The following FAM228A variants were observed in gnomAD, a reference collection of about 807,000 sequenced individuals.
FAM228A encodes family with sequence similarity 228 member A, also known as protein FAM228A.
FAM228A carries 13 observed loss-of-function variants against 18.6 expected under a neutral mutation model. The observed-to-expected ratio is 0.70, with a 90% confidence interval of 0.45 to 1.11. The LOEUF (loss-of-function observed/expected upper bound fraction) is 1.11. Ranked by LOEUF, FAM228A falls within the 50% of genes least tolerant of loss-of-function variation. The probability of loss-of-function intolerance (pLI) is 0.00; values close to 1 mark genes in which losing one functional copy is unlikely to be tolerated. For synonymous variants in FAM228A, 77 were observed against 86.6 expected (o/e 0.89, Z 0.61); for missense variants, 240 against 242.2 (o/e 0.99, Z 0.06).
At chr2:24,176,423 T>C (rs1414271504) in intron 2 of FAM228A, among the ~76,000 whole-genome samples, 4 of 152,182 alleles carry the variant, frequency 2.6e-5, no homozygotes, top group African/African-American at 9.7e-5. Flanking sequence ...CAATCATAGC[T>C]CTCTGTAACC....
Position 24,190,786 on chromosome 2 carries a change from A to C in FAM228A, c.*155A>C, listed in dbSNP as rs1032640941. On this transcript the variant is annotated 3_prime_UTR_variant, in exon 6 of 6. Coordinates refer to ENST00000295150, the MANE Select transcript of FAM228A (RefSeq NM_001040710.3). Reference sequence around the variant, plus strand: ...GGCCCCTCGGGCGGGGAAGCCTTGCATGAAGAAACTCAGACAAGTGGTAAA... The same window carrying C: ...GGCCCCTCGGGCGGGGAAGCCTTGCCTGAAGAAACTCAGACAAGTGGTAAA... 1.5e-6 allele frequency: 2 copies of C among 1,330,464 alleles called. No homozygotes were observed. The highest frequency in any genetic ancestry group is 1.5e-5 in the African/African-American group (1 of 67,278). 82.4% of individuals were successfully genotyped at this position (1,330,464 alleles called of 1,614,324 possible).
rs2151050736 is a variant in FAM228A at position 24,190,948 on chromosome 2, A to G, written c.*317A>G. The G allele has an allele frequency of 1.9e-6, 2 of 1,075,940 alleles. No individual in the cohort carries two copies. Among genetic ancestry groups the G allele is most frequent in the Non-Finnish European group, 2.3e-6 (2 of 888,328 alleles). The allele number at this position is 1,075,940 out of a possible 1,614,324, so 66.6% of individuals were successfully genotyped here. ...TTTGCCCTTCTGCCACTTTCCTACC[A>G]TTTTCCACTTACTCCATCCAAACTG... On this transcript the variant is annotated 3_prime_UTR_variant, in exon 6 of 6. Coordinates refer to ENST00000295150, the MANE Select transcript of FAM228A (RefSeq NM_001040710.3).
At chr2:24,188,117 G>A (rs1667996201) in intron 5 of FAM228A, among the ~76,000 whole-genome samples, 1 of 151,822 alleles carries the variant, frequency 6.6e-6, no homozygotes, top group African/African-American at 2.4e-5. Context: ...GATCATTTTT[G>A]TATATTTTCT....
At chr2:24,187,432 A>C (rs1667976223) in intron 5 of FAM228A, among the ~76,000 whole-genome samples, 1 of 152,200 alleles carries the variant, frequency 6.6e-6, no homozygotes. Flanking sequence ...CATTGACATT[A>C]TCACCCAAAG....
intron 5 of FAM228A, among the ~76,000 whole-genome samples, chr2:24,187,141 T>C (rs545664262): frequency 1.3e-5 from 2 of 152,296 alleles, no homozygotes; most frequent in African/African-American, 2.4e-5. Context: ...CTAGGTCTCA[T>C]GTCATGTCAT....
At chr2:24,177,900 A>C (rs55661701) in intron 3 of FAM228A, 30 bp downstream of exon 3, 324,695 of 1,451,710 alleles carry the variant, frequency 0.22, 40,012 homozygotes, top group Non-Finnish European at 0.25. Flanking sequence ...TGCATTCTAC[A>C]TATGTTCTAG....
At chr2:24,186,597 TATTTA>T (rs1340395757) in intron 5 of FAM228A, among the ~76,000 whole-genome samples, 1 of 152,140 alleles carries the variant, frequency 6.6e-6, no homozygotes, top group Non-Finnish European at 1.5e-5. Flanking sequence ...CATTTATTGA[TATTTA>T]ATTTTTTCTC....
At chr2:24,182,447 A>G (rs1409811952) in intron 3 of FAM228A, among the ~76,000 whole-genome samples, 1 of 152,164 alleles carries the variant, frequency 6.6e-6, no homozygotes, top group African/African-American at 2.4e-5. Flanking sequence ...ACTTCAGTCC[A>G]GCACTGGGAT....
Position 24,191,607 on chromosome 2 carries a change from C to G in FAM228A, c.*976C>G, listed in dbSNP as rs752497767. 1 of 523,254 alleles carries G rather than the reference C, an allele frequency of 1.9e-6. No individual in the cohort carries two copies. The highest frequency in any genetic ancestry group is 8.2e-5 in the South Asian group (1 of 12,174). The allele number at this position is 523,254 out of a possible 1,614,324, so 32.4% of individuals were successfully genotyped here. A position where few individuals can be genotyped will look rare whatever the true frequency, so the allele number is the denominator to read the frequency against. The stretch of plus-strand genomic sequence containing the variant: ...ACAGTCAAGCTTGTTGACATACCCA[C>G]CAGCTCACATTTACTGTTTTCGTGT... On this transcript the variant is annotated 3_prime_UTR_variant, in exon 6 of 6. Transcript: ENST00000295150.
At chr2:24,180,509 T>C (rs1024647975) in intron 3 of FAM228A, among the ~76,000 whole-genome samples, 8 of 152,146 alleles carry the variant, frequency 5.3e-5, no homozygotes, top group South Asian at 4.2e-4. Flanking sequence ...TCTGAATATT[T>C]ACCTTAAATA....
At position 24,182,234 on chromosome 2, in the gene FAM228A, C is replaced by G. The variant is rs573845770; in HGVS notation, c.163-1051C>G. Among the ~76,000 whole-genome samples, 21 of 152,282 alleles carry G rather than the reference C, an allele frequency of 1.4e-4. No homozygotes were observed. The South Asian group carries it at 4.4e-3, about 32-fold the overall frequency. On this transcript the variant is annotated intron_variant, in intron 3 of 5. Coordinates refer to ENST00000295150, the MANE Select transcript of FAM228A (RefSeq NM_001040710.3). Reference sequence around the variant, plus strand: ...GCTCCCATGCAGCAGAAGTAGCCACCTGATATGACTGTTAATTTTTTAAAA... The same window carrying G: ...GCTCCCATGCAGCAGAAGTAGCCACGTGATATGACTGTTAATTTTTTAAAA...
At chr2:24,176,494 C>T (rs750005486) in intron 2 of FAM228A, among the ~76,000 whole-genome samples, 7 of 152,188 alleles carry the variant, frequency 4.6e-5, no homozygotes, top group Admixed American at 2.0e-4. Flanking sequence ...GGATTACAGG[C>T]GTGAGCCACC....
Position 24,183,323 on chromosome 2 carries a change from ACAG to A in FAM228A, c.204_206del (p.Gln69del), listed in dbSNP as rs1667860734. On this transcript the variant is annotated inframe_deletion, in exon 4 of 6. Transcript: ENST00000295150. ...CATTTGTTGATCCTCTGTTTCAAAG[ACAG>A]CAAGAGGTGGATGAAGAGAGGAGAA... 1.2e-6 allele frequency: 2 copies of A among 1,614,060 alleles called. No homozygotes were observed. The highest frequency in any genetic ancestry group is 1.7e-6 in the Non-Finnish European group (2 of 1,179,920).
At chr2:24,177,542 A>T (rs79305061) in intron 2 of FAM228A, among the ~76,000 whole-genome samples, 1 of 151,658 alleles carries the variant, frequency 6.6e-6, no homozygotes, top group South Asian at 2.1e-4. Context: ...GCTATCAGGG[A>T]TTTTTTTTAA....
At chr2:24,182,864 C>G (rs1667847855) in intron 3 of FAM228A, among the ~76,000 whole-genome samples, 1 of 152,164 alleles carries the variant, frequency 6.6e-6, no homozygotes, top group African/African-American at 2.4e-5. Context: ...CTGGGCGGCC[C>G]TCCCTCCCTC....
Position 24,190,403 on chromosome 2 carries a change from T to C in FAM228A, c.402-9T>C. ...GAATCGAGACAATTTTTTCTGCTTT[T>C]CTTCACAGTCCTGAAAAGCTCATCT... On this transcript the variant is annotated splice_polypyrimidine_tract_variant and intron_variant, in intron 5 of 5. Coordinates refer to ENST00000295150, the MANE Select transcript of FAM228A (RefSeq NM_001040710.3). 4.4e-6 allele frequency: 7 copies of C among 1,585,944 alleles called. No homozygotes were observed. The highest frequency in any genetic ancestry group is 6.0e-6 in the Non-Finnish European group (7 of 1,169,578).
chr2:24,185,763 C>T (rs1272867185), intron 5 of FAM228A, among the ~76,000 whole-genome samples: 1 of 152,146 alleles, frequency 6.6e-6, no homozygotes, highest in Non-Finnish European at 1.5e-5. Context: ...GCCAAATATC[C>T]TACAACAAAG....
At chr2:24,188,250 AT>A (rs977380837) in intron 5 of FAM228A, among the ~76,000 whole-genome samples, 1 of 151,682 alleles carries the variant, frequency 6.6e-6, no homozygotes, top group Admixed American at 6.6e-5. Context: ...TTTCTATTTG[AT>A]TTTTTTAATT....
intron 3 of FAM228A, among the ~76,000 whole-genome samples, chr2:24,180,781 C>G (rs1200563317): frequency 2.6e-5 from 4 of 152,204 alleles, no homozygotes; most frequent in Non-Finnish European, 1.5e-5. Flanking sequence ...GAGTCTTGGT[C>G]TATCCTGTCC....
Sources: allele counts gnomAD v4.1 joint callset (sites outside exome capture counted in the v4.1 genomes callset), GRCh38; gene constraint gnomAD v4.1.1; transcripts MANE v1.5; gene names NCBI Gene and HGNC (gene_info 2026-07-23, HGNC 2026-07-21).